The following FSTL5 variants were observed in gnomAD, a reference collection of about 807,000 sequenced individuals.
FSTL5 encodes follistatin-related protein 5.
In FSTL5, 62 loss-of-function variants were observed where a neutral mutation model predicts 89.1. The observed-to-expected ratio is 0.70, with a 90% CI of 0.57 to 0.86. FSTL5 has a LOEUF of 0.86. FSTL5 is among the 40% of genes least tolerant of loss of function. The pLI is 0.00. For missense variants in FSTL5, 1,057 were observed against 1,001.6 expected, an observed-to-expected ratio of 1.06 and a Z score of -0.75; for synonymous variants, 383 against 346.2, an observed-to-expected ratio of 1.11 and a Z score of -1.18.
At chr4:161,778,112 ACACAC>A (rs1479323575) in intron 4 of FSTL5, among the ~76,000 whole-genome samples, 1 of 151,784 alleles carries the variant, frequency 6.6e-6, no homozygotes, top group African/African-American at 2.4e-5. Flanking sequence ...ACACACACAC[ACACAC>A]ACACACAAAA....
chr4:161,507,324 G>T (rs10010248), intron 11 of FSTL5, among the ~76,000 whole-genome samples: 1 of 151,292 alleles, frequency 6.6e-6, no homozygotes, highest in African/African-American at 2.4e-5. Flanking sequence ...TTAATTATAC[G>T]TATCATAAAT....
intron 3 of FSTL5, among the ~76,000 whole-genome samples, chr4:162,027,686 T>C (rs1280312032): frequency 6.6e-6 from 1 of 152,138 alleles, no homozygotes; most frequent in African/African-American, 2.4e-5. Context: ...TTAATTGATT[T>C]ATTTGTCAAC....
At chr4:161,971,900 G>T (rs192027417) in intron 3 of FSTL5, among the ~76,000 whole-genome samples, 1 of 152,190 alleles carries the variant, frequency 6.6e-6, no homozygotes, top group East Asian at 1.9e-4. Flanking sequence ...TTTCCCAGTT[G>T]ATGATGCTTT....
chr4:161,997,186 A>G (rs1267496214), intron 3 of FSTL5, among the ~76,000 whole-genome samples: 1 of 152,252 alleles, frequency 6.6e-6, no homozygotes, highest in Non-Finnish European at 1.5e-5. Context: ...AAGGTTAGAC[A>G]AATAAATACA....
At chr4:161,829,119 A>G (rs1730759309) in intron 4 of FSTL5, among the ~76,000 whole-genome samples, 1 of 140,550 alleles carries the variant, frequency 7.1e-6, no homozygotes, top group Admixed American at 7.5e-5. Flanking sequence ...AGACAAAGTT[A>G]AAAGGGCTTC....
At chr4:161,747,610 T>C (rs1253556635) in intron 6 of FSTL5, among the ~76,000 whole-genome samples, 1 of 152,214 alleles carries the variant, frequency 6.6e-6, no homozygotes, top group Non-Finnish European at 1.5e-5. Flanking sequence ...TATTTGTTTG[T>C]CCCATATGGT....
intron 15 of FSTL5, among the ~76,000 whole-genome samples, chr4:161,440,392 A>C (rs1470676121): frequency 1.3e-5 from 2 of 152,058 alleles, no homozygotes; most frequent in South Asian, 2.1e-4. Flanking sequence ...ATACACTAAC[A>C]CTAATGACAG....
At position 162,160,740 on chromosome 4, in the gene FSTL5, TTTA is replaced by T. The variant is rs780303829; in HGVS notation, c.-17+2872_-17+2874del. ...CTTAAATATTATTTTAAAAGGTATT[TTTA>T]TTTTTTTCAAACTTTTTAGAGTATT... On this transcript the variant is annotated intron_variant, in intron 1 of 15. Transcript: ENST00000306100. Among the ~76,000 whole-genome samples, 169 of 151,118 alleles carry T rather than the reference TTTA, an allele frequency of 1.1e-3. 1 individual carries two copies. Among genetic ancestry groups the T allele is most frequent in the Admixed American group, 4.7e-3 (71 of 15,240 alleles).
chr4:161,867,660 G>A (rs75026934), intron 4 of FSTL5, among the ~76,000 whole-genome samples: 5,982 of 151,434 alleles, frequency 0.04, 188 homozygotes, highest in East Asian at 0.15. Context: ...AGAAAGAAAG[G>A]AACATCTAAG....
At chr4:161,960,798 C>T (rs359510) in intron 3 of FSTL5, among the ~76,000 whole-genome samples, 3 of 151,146 alleles carry the variant, frequency 2.0e-5, no homozygotes, top group Non-Finnish European at 3.0e-5. Context: ...GTAAGGAGAC[C>T]CAAAGAAGAC....
intron 4 of FSTL5, among the ~76,000 whole-genome samples, chr4:161,903,388 G>T (rs376613206): frequency 6.6e-6 from 1 of 151,688 alleles, no homozygotes; most frequent in Non-Finnish European, 1.5e-5. Flanking sequence ...AAAATAAAAA[G>T]AAAATAAAAA....
rs997924070 is a variant in FSTL5, at chr4:161,385,522, T to C, written c.*225A>G. On this transcript the variant is annotated 3_prime_UTR_variant, in exon 16 of 16. Transcript: ENST00000306100. ...TTACATATTTGATTCTTGTGACTGATGTGATTTCTCATTAAATATTGTGCT... is the reference window on the plus strand; with the variant it reads ...TTACATATTTGATTCTTGTGACTGACGTGATTTCTCATTAAATATTGTGCT... 12 of 450,056 alleles carry C rather than the reference T, an allele frequency of 2.7e-5. No individual in the cohort carries two copies. The highest frequency in any genetic ancestry group is 5.1e-5 in the South Asian group (1 of 19,462). The allele number at this position is 450,056 out of a possible 1,614,324, so 27.9% of individuals were successfully genotyped here. A position where few individuals can be genotyped will look rare whatever the true frequency, so the allele number is the denominator to read the frequency against.
chr4:161,503,264 T>G (rs978375635), intron 11 of FSTL5, among the ~76,000 whole-genome samples: 1 of 151,782 alleles, frequency 6.6e-6, no homozygotes, highest in Non-Finnish European at 1.5e-5. Flanking sequence ...ATTTATGTTT[T>G]GCAGGTATCT....
intron 4 of FSTL5, among the ~76,000 whole-genome samples, chr4:161,804,363 CTACCACAGATGTGTT>C (rs1729893838): frequency 6.6e-6 from 1 of 151,966 alleles, no homozygotes; most frequent in Non-Finnish European, 1.5e-5. Flanking sequence ...CAGGTTCTGC[CTACCACAGATGTGTT>C]CTGAGTTATT....
intron 15 of FSTL5, among the ~76,000 whole-genome samples, chr4:161,394,585 AT>A (rs1482950672): frequency 1.3e-4 from 20 of 152,174 alleles, no homozygotes; most frequent in Admixed American, 7.9e-4. Flanking sequence ...AATACACGTA[AT>A]TTTAATAACC....
chr4:161,400,120 C>A (rs748598089), intron 15 of FSTL5, among the ~76,000 whole-genome samples: 2 of 151,880 alleles, frequency 1.3e-5, no homozygotes, highest in Non-Finnish European at 2.9e-5. Context: ...AGAATTTTTT[C>A]AAATTGTCCA....
At chr4:161,904,083 T>C (rs2110804333) in intron 4 of FSTL5, among the ~76,000 whole-genome samples, 1 of 152,230 alleles carries the variant, frequency 6.6e-6, no homozygotes, top group East Asian at 1.9e-4. Flanking sequence ...TTTATTTATT[T>C]TTTTCTATGG....
intron 15 of FSTL5, among the ~76,000 whole-genome samples, chr4:161,431,305 GA>G (rs1270768036): frequency 6.6e-6 from 1 of 151,966 alleles, no homozygotes; most frequent in Non-Finnish European, 1.5e-5. Context: ...TTTAAAAAAG[GA>G]AAGCAAAGTT....
intron 4 of FSTL5, among the ~76,000 whole-genome samples, chr4:161,911,467 TG>T (rs567349180): frequency 2.6e-4 from 39 of 152,210 alleles, no homozygotes; most frequent in Admixed American, 1.0e-3. Flanking sequence ...CAAAAAGCAT[TG>T]AAAAAAACGT....
Sources: gnomAD v4.1 joint callset for allele counts (sites outside exome capture counted in the v4.1 genomes callset) on GRCh38, gnomAD v4.1.1 for gene constraint, MANE v1.5 for transcripts, NCBI Gene and HGNC (gene_info 2026-07-23, HGNC 2026-07-21) for gene names.